Variants in SLC24A2 observed in about 807,000 individuals in gnomAD.
SLC24A2 encodes solute carrier family 24 member 2, also known as sodium/potassium/calcium exchanger 2.
A neutral mutation model predicts 62.0 loss-of-function variants in SLC24A2; 36 were observed. The observed-to-expected ratio is 0.58, with a 90% CI of 0.44 to 0.77. SLC24A2 has a LOEUF of 0.77. SLC24A2 is among the 30% of genes least tolerant of loss of function. SLC24A2 has a pLI of 0.00. For missense variants in SLC24A2, 846 were observed against 817.9 expected, an observed-to-expected ratio of 1.03 and a Z score of -0.42; for synonymous variants, 358 against 294.0, an observed-to-expected ratio of 1.22 and a Z score of -2.23.
At chr9:19,731,484 TAAG>T (rs1410247264) in intron 2 of SLC24A2, among the ~76,000 whole-genome samples, 2 of 150,006 alleles carry the variant, frequency 1.3e-5, no homozygotes, top group Admixed American at 1.3e-4. Flanking sequence ...AAGAGACACT[TAAG>T]AACACTTGTT....
intron 2 of SLC24A2, among the ~76,000 whole-genome samples, chr9:19,785,698 T>C (rs1202254371): frequency 6.6e-6 from 1 of 152,218 alleles, no homozygotes; most frequent in East Asian, 1.9e-4. Flanking sequence ...GTAACCTATA[T>C]TTACAAGTGT....
chr9:19,704,885 G>A (rs889848637), intron 2 of SLC24A2, among the ~76,000 whole-genome samples: 5 of 151,442 alleles, frequency 3.3e-5, no homozygotes, highest in African/African-American at 1.2e-4. Context: ...GTACTTTCAG[G>A]ATGAAACAGA....
intron 2 of SLC24A2, among the ~76,000 whole-genome samples, chr9:19,693,582 C>T (rs932052787): frequency 1.1e-4 from 16 of 151,912 alleles, no homozygotes; most frequent in Admixed American, 2.6e-4. Flanking sequence ...GATTTAAAAA[C>T]GGTGTTTTTT....
chr9:19,669,489 T>C (rs1019342839), intron 2 of SLC24A2, among the ~76,000 whole-genome samples: 2 of 152,218 alleles, frequency 1.3e-5, no homozygotes, highest in Non-Finnish European at 2.9e-5. Flanking sequence ...CTTAGAGACT[T>C]AAACTACACA....
At chr9:20,251,797 C>T in the SLC24A2 span, among the ~76,000 whole-genome samples, 5 of 152,226 alleles carry the variant, frequency 3.3e-5, no homozygotes, top group African/African-American at 1.2e-4. Context: ...TCTCCAAGAT[C>T]CCTCTGTCAC....
chr9:19,626,340 A>G (rs1324741398), intron 2 of SLC24A2, among the ~76,000 whole-genome samples: 1 of 152,246 alleles, frequency 6.6e-6, no homozygotes, highest in Non-Finnish European at 1.5e-5. Flanking sequence ...CACTCTGGTA[A>G]TTATCTACTT....
At chr9:19,528,540 T>C (rs1306698035) in intron 8 of SLC24A2, among the ~76,000 whole-genome samples, 2 of 152,140 alleles carry the variant, frequency 1.3e-5, no homozygotes, top group Non-Finnish European at 2.9e-5. Flanking sequence ...TCAGTTTCTA[T>C]TGCTTGCAAA....
chr9:19,724,239 A>G (rs902451722), intron 2 of SLC24A2, among the ~76,000 whole-genome samples: 2 of 152,180 alleles, frequency 1.3e-5, no homozygotes, highest in African/African-American at 4.8e-5. Context: ...CAGAATCATG[A>G]TTAATCTCAC....
At chr9:19,861,529 A>G in the SLC24A2 span, among the ~76,000 whole-genome samples, 2 of 152,160 alleles carry the variant, frequency 1.3e-5, no homozygotes, top group Non-Finnish European at 2.9e-5. Context: ...ATCCCCAGAC[A>G]CAGATGAACA....
chr9:19,568,878 G>T (rs1399763187), intron 7 of SLC24A2, among the ~76,000 whole-genome samples: 2 of 152,116 alleles, frequency 1.3e-5, no homozygotes, highest in Admixed American at 1.3e-4. Flanking sequence ...CCCCTGTTCT[G>T]GAAGTAAGTA....
At chr9:20,163,951 C>T in the SLC24A2 span, among the ~76,000 whole-genome samples, 6 of 152,112 alleles carry the variant, frequency 3.9e-5, no homozygotes, top group African/African-American at 1.4e-4. Context: ...GAAACTGGAT[C>T]CCTTCCTTAT....
At chr9:19,986,397 G>C in the SLC24A2 span, among the ~76,000 whole-genome samples, 49 of 137,360 alleles carry the variant, frequency 3.6e-4, no homozygotes, top group African/African-American at 1.3e-3. Flanking sequence ...GTTAAGTATA[G>C]GATGACCCTA....
At chr9:20,165,711 G>T in the SLC24A2 span, among the ~76,000 whole-genome samples, 11 of 151,782 alleles carry the variant, frequency 7.2e-5, no homozygotes, top group African/African-American at 1.7e-4. Context: ...TAATTAATGT[G>T]TCTATAACTT....
At chr9:19,614,003 A>G (rs1409489386) in intron 4 of SLC24A2, among the ~76,000 whole-genome samples, 1 of 152,202 alleles carries the variant, frequency 6.6e-6, no homozygotes, top group African/African-American at 2.4e-5. Context: ...TGCCTGGCCT[A>G]CAGAAAGTAC....
the SLC24A2 span, among the ~76,000 whole-genome samples, chr9:19,936,422 C>G: frequency 6.6e-6 from 1 of 152,156 alleles, no homozygotes; most frequent in African/African-American, 2.4e-5. Flanking sequence ...TACAAGTGTA[C>G]ACCACCATGC....
chr9:19,821,200 G>C, the SLC24A2 span, among the ~76,000 whole-genome samples: 4 of 152,038 alleles, frequency 2.6e-5, no homozygotes, highest in Non-Finnish European at 5.9e-5. Context: ...TTCAGAAACA[G>C]AGAGAAAAAG....
At chr9:19,692,582 T>C (rs13286907) in intron 2 of SLC24A2, among the ~76,000 whole-genome samples, 28,782 of 152,092 alleles carry the variant, frequency 0.19, 2,901 homozygotes, top group Middle Eastern at 0.24. Flanking sequence ...GATGCTTTAT[T>C]TATTTTGTGA....
chr9:19,553,264 T>G (rs1033766460), intron 7 of SLC24A2, among the ~76,000 whole-genome samples: 1 of 152,228 alleles, frequency 6.6e-6, no homozygotes, highest in African/African-American at 2.4e-5. Context: ...AACTGGATGC[T>G]CCAGGGGAGA....
At chr9:20,279,394 G>A in the SLC24A2 span, among the ~76,000 whole-genome samples, 1 of 152,204 alleles carries the variant, frequency 6.6e-6, no homozygotes, top group Non-Finnish European at 1.5e-5. Flanking sequence ...AGCTGGGCAT[G>A]GTGGCGGATG....
Sources: allele counts gnomAD v4.1 joint callset (sites outside exome capture counted in the v4.1 genomes callset), GRCh38; gene constraint gnomAD v4.1.1; transcripts MANE v1.5; gene names NCBI Gene and HGNC (gene_info 2026-07-23, HGNC 2026-07-21).